Variants in TRAPPC9 observed in about 807,000 individuals in gnomAD.
TRAPPC9 encodes trafficking protein particle complex subunit 9.
TRAPPC9 carries 83 observed loss-of-function variants against 124.0 expected under a neutral mutation model. The observed-to-expected ratio is 0.67, with a 90% CI of 0.56 to 0.80. The LOEUF is 0.80. Ranked by LOEUF, TRAPPC9 falls within the 30% of genes least tolerant of loss-of-function variation. TRAPPC9 has a pLI of 0.00. For missense variants in TRAPPC9, 1,302 were observed against 1,508.3 expected (o/e 0.86, Z 2.27); for synonymous variants, 638 against 617.5 (o/e 1.03, Z -0.49).
At chr8:140,392,191 A>G (rs2068945787) in intron 7 of TRAPPC9, among the ~76,000 whole-genome samples, 1 of 152,214 alleles carries the variant, frequency 6.6e-6, no homozygotes, top group Non-Finnish European at 1.5e-5. Flanking sequence ...TCCTCTCCTC[A>G]ATTTCTCATC....
At chr8:140,181,822 G>C (rs999271666) in intron 17 of TRAPPC9, among the ~76,000 whole-genome samples, 1 of 151,944 alleles carries the variant, frequency 6.6e-6, no homozygotes, top group Non-Finnish European at 1.5e-5. Context: ...CTGTACACTC[G>C]TGCTCCACAG....
chr8:140,373,840 C>T (rs12546735), intron 7 of TRAPPC9, among the ~76,000 whole-genome samples: 39,051 of 152,112 alleles, frequency 0.26, 5,398 homozygotes, highest in Non-Finnish European at 0.29. Context: ...AGCGCTTGTT[C>T]AAATCTTCTG....
At chr8:140,433,516 A>G (rs1287822242) in intron 4 of TRAPPC9, among the ~76,000 whole-genome samples, 2 of 151,890 alleles carry the variant, frequency 1.3e-5, no homozygotes, top group East Asian at 3.9e-4. Context: ...CTAAAACCCA[A>G]GAAGTAGAAG....
At chr8:139,953,325 T>A (rs1013590463) in intron 19 of TRAPPC9, among the ~76,000 whole-genome samples, 8 of 152,100 alleles carry the variant, frequency 5.3e-5, no homozygotes, top group Non-Finnish European at 1.2e-4. Flanking sequence ...ACACACTGTC[T>A]CTACTAAAAA....
At chr8:140,328,910 C>T (rs947015213) in intron 9 of TRAPPC9, among the ~76,000 whole-genome samples, 12 of 151,944 alleles carry the variant, frequency 7.9e-5, no homozygotes, top group African/African-American at 2.4e-5. Context: ...CTTTGGGGAC[C>T]GGGTGGAGGA....
chr8:140,164,644 G>A (rs1440499480), intron 17 of TRAPPC9, among the ~76,000 whole-genome samples: 1 of 152,176 alleles, frequency 6.6e-6, no homozygotes, highest in Non-Finnish European at 1.5e-5. Flanking sequence ...CTCAGACTTG[G>A]CTGGACAGCT....
intron 17 of TRAPPC9, among the ~76,000 whole-genome samples, chr8:140,145,919 C>T (rs1041254251): frequency 3.3e-5 from 5 of 152,154 alleles, no homozygotes; most frequent in Admixed American, 1.3e-4. Flanking sequence ...CAAATCAAAG[C>T]CTGACCTTAC....
At chr8:140,159,847 C>T (rs980325735) in intron 17 of TRAPPC9, among the ~76,000 whole-genome samples, 1 of 152,220 alleles carries the variant, frequency 6.6e-6, no homozygotes, top group Non-Finnish European at 1.5e-5. Flanking sequence ...CGACCACGTT[C>T]CTCTTCCTCA....
At chr8:140,075,291 T>A (rs1430596112) in intron 17 of TRAPPC9, among the ~76,000 whole-genome samples, 1 of 152,236 alleles carries the variant, frequency 6.6e-6, no homozygotes, top group African/African-American at 2.4e-5. Context: ...ACTATGTTTT[T>A]ATTGTTACTC....
chr8:139,893,210 C>A (rs1243910400), intron 20 of TRAPPC9, among the ~76,000 whole-genome samples: 1 of 152,216 alleles, frequency 6.6e-6, no homozygotes, highest in East Asian at 1.9e-4. Context: ...TGCTAACTGT[C>A]CATTTCCATG....
intron 17 of TRAPPC9, among the ~76,000 whole-genome samples, chr8:140,209,877 G>A (rs1417271718): frequency 1.3e-5 from 2 of 152,216 alleles, no homozygotes; most frequent in African/African-American, 2.4e-5. Flanking sequence ...ACGTAAAGGG[G>A]CAGCAGGATA....
intron 21 of TRAPPC9, among the ~76,000 whole-genome samples, chr8:139,849,977 C>T (rs1827339492): frequency 2.0e-5 from 3 of 152,096 alleles, no homozygotes. Flanking sequence ...CCTTGTCCAC[C>T]AGTGACCAGA....
intron 19 of TRAPPC9, among the ~76,000 whole-genome samples, chr8:139,950,513 A>C (rs1465842113): frequency 1.3e-5 from 2 of 152,242 alleles, no homozygotes; most frequent in Non-Finnish European, 2.9e-5. Context: ...AGCATTAAGC[A>C]AGATAACCAG....
chr8:139,945,543 C>CAAAAAAAAAAAAAAAAAAAAAAAAA (rs61528944), intron 19 of TRAPPC9, among the ~76,000 whole-genome samples: 1 of 66,168 alleles, frequency 1.5e-5, no homozygotes, highest in African/African-American at 6.9e-5. Flanking sequence ...GCACAATTAG[C>CAAAAAAAAAAAAAAAAAAAAAAAAA]AAAAAAAAAA....
intron 21 of TRAPPC9, among the ~76,000 whole-genome samples, chr8:139,752,882 ACCAT>A (rs1159364627): frequency 1.5e-5 from 2 of 135,490 alleles, no homozygotes; most frequent in South Asian, 2.4e-4. Context: ...TACCCATCCA[ACCAT>A]CCATCCATCC....
chr8:139,945,183 A>G (rs1834130509), intron 19 of TRAPPC9, among the ~76,000 whole-genome samples: 1 of 152,130 alleles, frequency 6.6e-6, no homozygotes, highest in Admixed American at 6.6e-5. Context: ...GCAAAATTCA[A>G]CTATACGTTG....
intron 17 of TRAPPC9, among the ~76,000 whole-genome samples, chr8:140,092,948 T>G (rs903989929): frequency 1.1e-4 from 16 of 152,162 alleles, no homozygotes; most frequent in Admixed American, 9.8e-4. Context: ...GATAATCCAT[T>G]TACTTCAAGA....
At chr8:140,217,072 C>T (rs1176062494) in intron 17 of TRAPPC9, among the ~76,000 whole-genome samples, 1 of 152,150 alleles carries the variant, frequency 6.6e-6, no homozygotes, top group African/African-American at 2.4e-5. Flanking sequence ...ATCACTGTGT[C>T]CCAACCCCGG....
chr8:140,001,681 C>T (rs2131799952), intron 18 of TRAPPC9, among the ~76,000 whole-genome samples: 1 of 152,294 alleles, frequency 6.6e-6, no homozygotes. Flanking sequence ...AAACAACTCT[C>T]CTCACATAAA....
Sources: allele counts gnomAD v4.1 joint callset (sites outside exome capture counted in the v4.1 genomes callset), GRCh38; gene constraint gnomAD v4.1.1; transcripts MANE v1.5; gene names NCBI Gene and HGNC (gene_info 2026-07-23, HGNC 2026-07-21).